Variants in SKIC2 observed in about 807,000 individuals in gnomAD.
SKIC2 encodes the protein superkiller complex protein 2.
At chr6:31,960,327 G>C in the SKIC2 span, 1 of 1,613,228 alleles carries the variant, frequency 6.2e-7, no homozygotes, top group Non-Finnish European at 8.5e-7. Flanking sequence ...CAGATACTGG[G>C]TTACAAAGAG....
the SKIC2 span, chr6:31,961,266 T>A: frequency 5.0e-6 from 8 of 1,611,268 alleles, no homozygotes; most frequent in Non-Finnish European, 6.8e-6. Context: ...TGGGTGGGGG[T>A]GACGAGGATG....
At chr6:31,964,179 G>C in the SKIC2 span, 1 of 1,608,660 alleles carries the variant, frequency 6.2e-7, no homozygotes, top group South Asian at 1.1e-5. This position sits in a 1 kb window ranked among gnomAD's most constrained non-coding sequence, Gnocchi z 5.0. Context: ...AGACTGGTGG[G>C]GATAGGGTGT....
At chr6:31,967,463 G>C in the SKIC2 span, 1 of 1,052,926 alleles carries the variant, frequency 9.5e-7, no homozygotes, top group Non-Finnish European at 1.5e-6. The surrounding 1 kb of genome is among the most constrained non-coding windows in gnomAD (Gnocchi z 4.9). Flanking sequence ...GGCAGGTTGC[G>C]TCATCATAGG....
the SKIC2 span, chr6:31,969,743 A>G: frequency 6.3e-7 from 1 of 1,583,488 alleles, no homozygotes; most frequent in Non-Finnish European, 8.6e-7. The surrounding 1 kb of genome is among the most constrained non-coding windows in gnomAD (Gnocchi z 6.1). Context: ...ATGATGATAA[A>G]ACAGCAAAGC....
chr6:31,968,006 A>G, the SKIC2 span: 1 of 1,613,022 alleles, frequency 6.2e-7, no homozygotes, highest in Non-Finnish European at 8.5e-7. The surrounding 1 kb of genome is among the most constrained non-coding windows in gnomAD (Gnocchi z 6.1). Flanking sequence ...TATGGCTGCC[A>G]TCACCACCAA....
the SKIC2 span, chr6:31,968,926 G>T: frequency 1.9e-6 from 3 of 1,612,974 alleles, no homozygotes; most frequent in Non-Finnish European, 2.5e-6. The surrounding 1 kb of genome is among the most constrained non-coding windows in gnomAD (Gnocchi z 6.1). Flanking sequence ...CTGGCAGGGC[G>T]GGTGGCTTGT....
chr6:31,967,596 T>A, the SKIC2 span: 1 of 1,184,914 alleles, frequency 8.4e-7, no homozygotes, highest in Non-Finnish European at 1.2e-6. The surrounding 1 kb of genome is among the most constrained non-coding windows in gnomAD (Gnocchi z 4.9). Context: ...GTTGCCCCTC[T>A]CTACTGGTGA....
the SKIC2 span, chr6:31,960,016 C>T: frequency 6.2e-7 from 1 of 1,612,612 alleles, no homozygotes; most frequent in Non-Finnish European, 8.5e-7. Context: ...TCAGCTTCCC[C>T]ATGGCCTCCC....
At chr6:31,963,915 C>G in the SKIC2 span, 1 of 1,609,532 alleles carries the variant, frequency 6.2e-7, no homozygotes, top group Non-Finnish European at 8.5e-7. This position sits in a 1 kb window ranked among gnomAD's most constrained non-coding sequence, Gnocchi z 5.3. Context: ...TTCTCCAGGA[C>G]CGCGGAGTGT....
chr6:31,969,351 G>A, the SKIC2 span: 7 of 1,614,086 alleles, frequency 4.3e-6, no homozygotes, highest in Admixed American at 1.7e-5. The surrounding 1 kb of genome is among the most constrained non-coding windows in gnomAD (Gnocchi z 6.1). Flanking sequence ...TGAACCAGAC[G>A]GTGGAGGAAT....
chr6:31,967,868 A>T, the SKIC2 span: 4 of 1,612,776 alleles, frequency 2.5e-6, no homozygotes, highest in African/African-American at 1.3e-5. This position sits in a 1 kb window ranked among gnomAD's most constrained non-coding sequence, Gnocchi z 4.9. Flanking sequence ...TGAAGGTGAG[A>T]GTGTGGCAGA....
the SKIC2 span, chr6:31,963,562 A>T: frequency 6.4e-7 from 1 of 1,562,652 alleles, no homozygotes; most frequent in Non-Finnish European, 8.6e-7. The surrounding 1 kb of genome is among the most constrained non-coding windows in gnomAD (Gnocchi z 5.3). Flanking sequence ...ACAAAAGGGT[A>T]AGCCTCGAGA....
chr6:31,968,519 GC>G, the SKIC2 span: 8 of 1,612,820 alleles, frequency 5.0e-6, no homozygotes, highest in Admixed American at 1.3e-4. The surrounding 1 kb of genome is among the most constrained non-coding windows in gnomAD (Gnocchi z 6.1). Flanking sequence ...TGTGTACACA[GC>G]CCCCGTTTTC....
At chr6:31,961,142 C>T in the SKIC2 span, 2 of 1,610,178 alleles carry the variant, frequency 1.2e-6, no homozygotes, top group African/African-American at 1.3e-5. Flanking sequence ...ATGTCCTTCT[C>T]CTAAGGAACA....
chr6:31,966,020 G>A, the SKIC2 span: 7 of 1,551,880 alleles, frequency 4.5e-6, no homozygotes, highest in African/African-American at 1.4e-5. The surrounding 1 kb of genome is among the most constrained non-coding windows in gnomAD (Gnocchi z 5.9). Context: ...GATGGTGAGC[G>A]GGCCAGCATG....
the SKIC2 span, chr6:31,960,345 G>T: frequency 3.7e-6 from 6 of 1,610,208 alleles, no homozygotes; most frequent in Non-Finnish European, 5.1e-6. Context: ...GAGGTAGGAG[G>T]TCAGGGGTCA....
At chr6:31,966,708 G>A in the SKIC2 span, 23 of 1,613,920 alleles carry the variant, frequency 1.4e-5, no homozygotes, top group African/African-American at 2.7e-5. This position sits in a 1 kb window ranked among gnomAD's most constrained non-coding sequence, Gnocchi z 5.9. Flanking sequence ...CCTGACTCCA[G>A]GGGAAGCCGT....
At chr6:31,968,428 G>T in the SKIC2 span, 10 of 1,613,004 alleles carry the variant, frequency 6.2e-6, no homozygotes, top group Non-Finnish European at 8.5e-6. The surrounding 1 kb of genome is among the most constrained non-coding windows in gnomAD (Gnocchi z 6.1). Flanking sequence ...CCCTGTCAAT[G>T]ACCTGCAGCT....
At chr6:31,959,997 GC>G in the SKIC2 span, 1 of 1,588,752 alleles carries the variant, frequency 6.3e-7, no homozygotes, top group Non-Finnish European at 8.6e-7. Flanking sequence ...CTCTCATCTT[GC>G]CCTTGTTTCA....
Sources: gnomAD v4.1 joint callset for allele counts on GRCh38, gnomAD v4.1.1 for gene constraint, Gnocchi (gnomAD v3.1) non-coding constraint, MANE v1.5 for transcripts, NCBI Gene and HGNC (gene_info 2026-07-23, HGNC 2026-07-21) for gene names.